Variants in PAPOLG observed in about 807,000 individuals in gnomAD.
PAPOLG encodes PAP-gamma.
In PAPOLG, 40 loss-of-function variants were observed where a neutral mutation model predicts 99.0. That is an observed-to-expected ratio of 0.40 (90% confidence interval 0.31 to 0.53). The LOEUF is 0.53. Among genes scored for constraint, PAPOLG ranks in the 20% least tolerant of loss-of-function variants. The pLI, the probability that PAPOLG is intolerant of heterozygous loss-of-function variation, is 0.41. For missense variants in PAPOLG, 675 were observed against 884.1 expected (o/e 0.76, Z 3.00); for synonymous variants, 310 against 299.3 (o/e 1.04, Z -0.37).
chr2:60,785,038 G>A (rs1047612893), intron 13 of PAPOLG, among the ~76,000 whole-genome samples: 1 of 152,092 alleles, frequency 6.6e-6, no homozygotes, highest in Admixed American at 6.6e-5. Flanking sequence ...AGCTGCCATC[G>A]GTCACATTTC....
chr2:60,762,627 A>AT (rs991016514), intron 3 of PAPOLG, among the ~76,000 whole-genome samples: 1 of 151,066 alleles, frequency 6.6e-6, no homozygotes, highest in African/African-American at 2.4e-5. Context: ...GCATGTTTAA[A>AT]TTTTTTTTTC....
At chr2:60,789,645 C>T (rs1294071916) in intron 15 of PAPOLG, among the ~76,000 whole-genome samples, 1 of 152,198 alleles carries the variant, frequency 6.6e-6, no homozygotes, top group Non-Finnish European at 1.5e-5. Flanking sequence ...CTAGTCACAA[C>T]TCTGGAATAT....
At chr2:60,792,368 T>C in intron 17 of PAPOLG, 79 bp downstream of exon 17, 1 of 1,254,998 alleles carries the variant, frequency 8.0e-7, no homozygotes, top group Non-Finnish European at 1.1e-6. Flanking sequence ...TCTATACCTC[T>C]GCTACTGCCT....
intron 1 of PAPOLG, among the ~76,000 whole-genome samples, chr2:60,759,367 CA>C (rs71400294): frequency 4.3e-4 from 59 of 138,354 alleles, no homozygotes; most frequent in Middle Eastern, 3.7e-3. Flanking sequence ...GACTCCATCT[CA>C]AAAAAAAAAA....
intron 21 of PAPOLG, among the ~76,000 whole-genome samples, 190 bp from the exon 22 acceptor site, chr2:60,796,872 A>C (rs1671722781): frequency 6.6e-6 from 1 of 152,148 alleles, no homozygotes; most frequent in Non-Finnish European, 1.5e-5. Flanking sequence ...GACTGTAAAA[A>C]GAAGTAGCAG....
At chr2:60,772,463 A>T (rs1426759645) in intron 7 of PAPOLG, among the ~76,000 whole-genome samples, 2 of 151,570 alleles carry the variant, frequency 1.3e-5, no homozygotes, top group Non-Finnish European at 2.9e-5. Context: ...AAAAAAAAAA[A>T]AGAGGCCAGG....
At chr2:60,794,618 G>A in intron 19 of PAPOLG, 92 bp from the exon 20 acceptor site, 2 of 1,044,698 alleles carry the variant, frequency 1.9e-6, no homozygotes, top group South Asian at 3.0e-5. Context: ...TTTTATAATA[G>A]TGTAACCAAT....
intron 17 of PAPOLG, among the ~76,000 whole-genome samples, chr2:60,792,739 A>G (rs1249899234): frequency 1.3e-5 from 2 of 152,122 alleles, no homozygotes; most frequent in Non-Finnish European, 2.9e-5. Context: ...ATACAAAAAA[A>G]TACAAAAATT....
chr2:60,777,843 C>T (rs1056615824), intron 8 of PAPOLG, among the ~76,000 whole-genome samples: 1 of 152,100 alleles, frequency 6.6e-6, no homozygotes, highest in Non-Finnish European at 1.5e-5. Flanking sequence ...TATACATTTA[C>T]CAAGTTCACC....
intron 17 of PAPOLG, 72 bp from the exon 18 acceptor site, chr2:60,793,555 C>A: frequency 6.5e-7 from 1 of 1,531,564 alleles, no homozygotes; most frequent in Non-Finnish European, 8.9e-7. Flanking sequence ...TAGAATGAGG[C>A]CTTTTCTCAA....
Position 60,756,502 on chromosome 2 carries a change from G to A in PAPOLG, c.17+7G>A, listed in dbSNP as rs771724125. 3 of 1,603,798 alleles carry A rather than the reference G, an allele frequency of 1.9e-6. No homozygotes were observed. Among genetic ancestry groups the A allele is most frequent in the South Asian group, 1.1e-5 (1 of 89,958 alleles). ...CGATGAAAGAGATGTCTGCGTAAGT[G>A]GTGGGGGGCGGCGGTTGGGGTGAGG... On this transcript the variant is annotated splice_region_variant and intron_variant, in intron 1 of 21. Coordinates refer to ENST00000238714, the MANE Select transcript of PAPOLG (RefSeq NM_022894.4).
rs1235163620 is a variant in PAPOLG, at chr2:60,797,313, A to G, written c.*153A>G. On this transcript the variant is annotated 3_prime_UTR_variant, in exon 22 of 22. Transcript: ENST00000238714. Reference sequence around the variant, plus strand: ...CCTTGAAGTGGTTTTTGAACTGTCAAACTTTGACCTGTAGATGCTGTAGCA... The same window carrying G: ...CCTTGAAGTGGTTTTTGAACTGTCAGACTTTGACCTGTAGATGCTGTAGCA... 1.5e-5 allele frequency: 13 copies of G among 869,910 alleles called. No homozygotes were observed. Among genetic ancestry groups the G allele is most frequent in the Non-Finnish European group, 2.3e-5 (13 of 565,912 alleles). 53.9% of individuals were successfully genotyped at this position (869,910 alleles called of 1,614,324 possible).
At chr2:60,766,118 G>T (rs1234140396) in intron 3 of PAPOLG, among the ~76,000 whole-genome samples, 1 of 152,090 alleles carries the variant, frequency 6.6e-6, no homozygotes, top group Non-Finnish European at 1.5e-5. Context: ...AACTTGTACT[G>T]GGCATTGTGA....
intron 7 of PAPOLG, among the ~76,000 whole-genome samples, chr2:60,773,115 C>T (rs976895253): frequency 7.2e-5 from 11 of 152,122 alleles, no homozygotes; most frequent in South Asian, 2.1e-4. Flanking sequence ...TTAATAGGGA[C>T]GGGGTTTCTC....
At position 60,793,988 on chromosome 2, in the gene PAPOLG, A is replaced by C. The variant is rs1294265008; in HGVS notation, c.1786A>C (p.Lys596Gln). Residue 596 changes from lysine to glutamine, a missense_variant, in exon 19 of 22, where the codon AAA becomes CAA. Lys to Gln is a moderately conservative substitution (Grantham distance 53, BLOSUM62 1). This residue lies in a region of PAPOLG where 413 missense variants were observed against 460.5 expected (regional missense o/e 0.90). Transcript: ENST00000238714. ...CTTTTCAGAAGTTGACTCTACAGTA[A>C]AAACTGTATCACCCCCCACTGTGTG... ...VIGAKVDSTV[K>Q]TVSPPTVCTI... 6.2e-7 allele frequency: 1 copy of C among 1,609,884 alleles called. No individual in the cohort carries two copies. The highest frequency in any genetic ancestry group is 1.7e-5 in the Admixed American group (1 of 59,880).
chr2:60,775,143 T>TA lies in PAPOLG; in HGVS notation c.694+21dup. On this transcript the variant is annotated intron_variant, in intron 8 of 21. Coordinates refer to ENST00000238714, the MANE Select transcript of PAPOLG (RefSeq NM_022894.4). ...CAAAACGTAAGTATCCCTAGTCTTT[T>TA]ATGTTTGCATTATAAAATTCTAATT... 1 of 1,589,142 alleles carries TA rather than the reference T, an allele frequency of 6.3e-7. No homozygotes were observed. Among genetic ancestry groups the TA allele is most frequent in the East Asian group, 2.2e-5 (1 of 44,720 alleles).
rs540872801 is a variant in PAPOLG at position 60,794,545 on chromosome 2, G to A, written c.1990-165G>A. ...GATCACCCAAACTGTAGAAATTAAC[G>A]GTGGCAGTTGAATTCAATCTAATTT... On this transcript the variant is annotated intron_variant, in intron 19 of 21. Transcript: ENST00000238714. 222 of 627,740 alleles carry A rather than the reference G, an allele frequency of 3.5e-4. 1 individual carries two copies. Among genetic ancestry groups the A allele is most frequent in the Middle Eastern group, 4.4e-4 (1 of 2,274 alleles). The allele number at this position is 627,740 out of a possible 1,614,324, so 38.9% of individuals were successfully genotyped here. A position where few individuals can be genotyped will look rare whatever the true frequency, so the allele number is the denominator to read the frequency against.
intron 13 of PAPOLG, among the ~76,000 whole-genome samples, chr2:60,785,624 C>CG (rs1671338276): frequency 6.6e-6 from 1 of 151,390 alleles, no homozygotes; most frequent in South Asian, 2.1e-4. Context: ...TGGGATCAAG[C>CG]GATGCCTCCT....
chr2:60,762,904 G>A (rs990926562), intron 3 of PAPOLG, among the ~76,000 whole-genome samples: 3 of 151,796 alleles, frequency 2.0e-5, no homozygotes, highest in African/African-American at 7.3e-5. Flanking sequence ...TGGGATTACA[G>A]CCTCGAGCCA....
Sources: gnomAD v4.1 joint callset for allele counts (sites outside exome capture counted in the v4.1 genomes callset) on GRCh38, gnomAD v4.1.1 for gene constraint, gnomAD v4.1.1 regional missense constraint, MANE v1.5 for transcripts, NCBI Gene and HGNC (gene_info 2026-07-23, HGNC 2026-07-21) for gene names.